Variants in HEATR5B observed in about 807,000 individuals in gnomAD.
The protein encoded by HEATR5B is HEAT repeat containing 5B, also known as HEAT repeat-containing protein 5B.
A neutral mutation model predicts 224.1 loss-of-function variants in HEATR5B; 156 were observed. The observed-to-expected ratio is 0.70, with a 90% CI of 0.61 to 0.80. The LOEUF (loss-of-function observed/expected upper bound fraction) is 0.80. HEATR5B is among the 30% of genes least tolerant of loss of function. The pLI is 0.00. For missense variants in HEATR5B, 2,323 were observed against 2,535.5 expected (o/e 0.92, Z 1.80); for synonymous variants, 1,027 against 893.0 (o/e 1.15, Z -2.68).
At chr2:37,058,617 A>AT in intron 13 of HEATR5B, 57 bp from the exon 14 acceptor site, 1 of 1,227,610 alleles carries the variant, frequency 8.1e-7, no homozygotes, top group Non-Finnish European at 1.2e-6. Flanking sequence ...TTACTTATAA[A>AT]TTTTTTTAGC....
At chr2:37,076,761 A>C (rs907133973) in intron 4 of HEATR5B, 150 bp downstream of exon 4, 2 of 601,374 alleles carry the variant, frequency 3.3e-6, no homozygotes, top group Admixed American at 6.2e-5. Context: ...CCTGATATAC[A>C]TTAAAAGAAG....
chr2:37,031,115 T>C (rs762109839), intron 22 of HEATR5B, among the ~76,000 whole-genome samples: 5 of 152,232 alleles, frequency 3.3e-5, no homozygotes, highest in African/African-American at 4.8e-5. Context: ...AATCCATTGC[T>C]GGGTTGCGAT....
intron 33 of HEATR5B, among the ~76,000 whole-genome samples, chr2:36,993,361 A>G (rs1372098642): frequency 6.6e-6 from 1 of 151,944 alleles, no homozygotes; most frequent in African/African-American, 2.4e-5. Flanking sequence ...ACGTGGCAAA[A>G]CCCCATCTCT....
At chr2:37,060,824 G>C (rs1327781297) in intron 11 of HEATR5B, 91 bp from the exon 12 acceptor site, 26 of 1,043,874 alleles carry the variant, frequency 2.5e-5, no homozygotes, top group Non-Finnish European at 3.6e-5. Flanking sequence ...CAAACTTTAT[G>C]TAATTTTAGA....
chr2:37,058,600 A>G (rs577916738), intron 13 of HEATR5B, 40 bp from the exon 14 acceptor site: 12 of 1,348,996 alleles, frequency 8.9e-6, no homozygotes, highest in Admixed American at 8.5e-5. Context: ...GCTTACCAGA[A>G]TAAGTATTAC....
chr2:37,045,913 T>C (rs1028117658), intron 18 of HEATR5B, among the ~76,000 whole-genome samples: 3 of 152,232 alleles, frequency 2.0e-5, no homozygotes, highest in Admixed American at 6.5e-5. Context: ...TTTCATTTAT[T>C]TTATCTGTTT....
intron 16 of HEATR5B, among the ~76,000 whole-genome samples, chr2:37,056,234 T>C (rs1186131288): frequency 6.6e-6 from 1 of 152,136 alleles, no homozygotes; most frequent in Non-Finnish European, 1.5e-5. Flanking sequence ...CAGGGTCAAA[T>C]CTTACATAAA....
intron 1 of HEATR5B, 61 bp from the exon 2 acceptor site, chr2:37,083,497 A>C (rs1672752322): frequency 1.6e-6 from 2 of 1,243,410 alleles, no homozygotes; most frequent in Non-Finnish European, 2.3e-6. Context: ...AGTCAAGCTT[A>C]ATGGAATATA....
At chr2:37,058,397 G>T in intron 14 of HEATR5B, 54 bp downstream of exon 14, 2 of 986,196 alleles carry the variant, frequency 2.0e-6, no homozygotes, top group Non-Finnish European at 3.3e-6. Context: ...TCTATAATAC[G>T]GTGAAGAATT....
At chr2:37,019,578 T>A (rs1668339910) in intron 26 of HEATR5B, among the ~76,000 whole-genome samples, 1 of 151,812 alleles carries the variant, frequency 6.6e-6, no homozygotes, top group Non-Finnish European at 1.5e-5. Context: ...AACCTCAGCC[T>A]CCAGAGTAGC....
At chr2:37,006,517 C>CT (rs981487865) in intron 29 of HEATR5B, among the ~76,000 whole-genome samples, 86 of 152,208 alleles carry the variant, frequency 5.7e-4, no homozygotes, top group Middle Eastern at 3.4e-3. Context: ...GGCGCATGCC[C>CT]ATAATCCCAG....
chr2:37,048,534 T>G (rs72873871), intron 18 of HEATR5B, among the ~76,000 whole-genome samples: 24,714 of 151,954 alleles, frequency 0.16, 2,241 homozygotes, highest in African/African-American at 0.22. Context: ...AAATTACCCT[T>G]CAAGAGCTTT....
intron 18 of HEATR5B, among the ~76,000 whole-genome samples, chr2:37,044,976 G>A (rs191845721): frequency 2.0e-5 from 3 of 152,146 alleles, no homozygotes; most frequent in Admixed American, 6.5e-5. Context: ...ACAGCTGACT[G>A]ACCTGTTCTT....
intron 2 of HEATR5B, among the ~76,000 whole-genome samples, chr2:37,082,255 T>G (rs988273315): frequency 2.6e-5 from 4 of 151,588 alleles, no homozygotes; most frequent in Non-Finnish European, 1.5e-5. Context: ...CTTTTAGCAG[T>G]GTTTAGTAGA....
intron 33 of HEATR5B, among the ~76,000 whole-genome samples, chr2:36,993,460 A>T (rs1666472600): frequency 6.6e-6 from 1 of 151,588 alleles, no homozygotes; most frequent in Non-Finnish European, 1.5e-5. Flanking sequence ...TTGCTTGAAC[A>T]TAGGAGGTGG....
chr2:37,059,436 GTGTGTGTGTGTATA>G (rs1268965988), intron 12 of HEATR5B, among the ~76,000 whole-genome samples: 3 of 80,388 alleles, frequency 3.7e-5, no homozygotes, highest in South Asian at 5.5e-4. Flanking sequence ...GTGTGTGTGT[GTGTGTGTGTGTATA>G]TATATATATA....
At chr2:37,045,957 TC>T in intron 18 of HEATR5B, among the ~76,000 whole-genome samples, 1 of 152,354 alleles carries the variant, frequency 6.6e-6, no homozygotes, top group African/African-American at 2.4e-5. Context: ...GTAAATACAG[TC>T]CCTGTTATTC....
At chr2:37,057,924 A>G (rs1249809458) in intron 14 of HEATR5B, among the ~76,000 whole-genome samples, 1 of 152,232 alleles carries the variant, frequency 6.6e-6, no homozygotes, top group African/African-American at 2.4e-5. Flanking sequence ...CCAATAATGT[A>G]CAATGAACCA....
At chr2:37,060,809 C>CA in intron 11 of HEATR5B, 76 bp from the exon 12 acceptor site, 2 of 1,212,752 alleles carry the variant, frequency 1.6e-6, no homozygotes, top group South Asian at 1.6e-5. Context: ...AAAATGAGCC[C>CA]AACACAAACT....
Sources: gnomAD v4.1 joint callset for allele counts (sites outside exome capture counted in the v4.1 genomes callset) on GRCh38, gnomAD v4.1.1 for gene constraint, MANE v1.5 for transcripts, NCBI Gene and HGNC (gene_info 2026-07-23, HGNC 2026-07-21) for gene names.